RNF216: variants seen among roughly 807,000 people sequenced by gnomAD.
RNF216 encodes the protein E3 ubiquitin-protein ligase RNF216.
In RNF216, 72 loss-of-function variants were observed where a neutral mutation model predicts 110.8. That is an observed-to-expected ratio of 0.65 (90% CI 0.54 to 0.79). The LOEUF (loss-of-function observed/expected upper bound fraction) is 0.79. Ranked by LOEUF, RNF216 falls within the 30% of genes least tolerant of loss-of-function variation. RNF216 has a pLI of 0.00. For synonymous variants in RNF216, 495 were observed against 407.5 expected, an observed-to-expected ratio of 1.21 and a Z score of -2.59; for missense variants, 1,342 against 1,141.2, an observed-to-expected ratio of 1.18 and a Z score of -2.54.
At chr7:5,663,911 A>C (rs1789329797) in intron 13 of RNF216, among the ~76,000 whole-genome samples, 1 of 152,024 alleles carries the variant, frequency 6.6e-6, no homozygotes, top group African/African-American at 2.4e-5. Context: ...AAAACAAAAC[A>C]AAACAAAAAA....
chr7:5,704,660 G>T (rs1792176044), intron 13 of RNF216, among the ~76,000 whole-genome samples: 1 of 152,126 alleles, frequency 6.6e-6, no homozygotes, highest in South Asian at 2.1e-4. Context: ...CCACCTAGTG[G>T]CAACTCGTTC....
Position 5,741,694 on chromosome 7 carries a change from C to G in RNF216, c.323G>C (p.Ser108Thr). The change falls in exon 4 of 17, where the codon AGC (serine) becomes ACC (threonine). Residue 108 changes from serine (S) to threonine (T), a missense_variant. Coordinates refer to ENST00000389902, the MANE Select transcript of RNF216 (RefSeq NM_207111.4). ...GTTGTTACACACTGAAAAATAGCTG[C>G]TCTTATCTGATTCAAATGCTGCTCT... Reference protein sequence around the residue: ...KSRAAFESDKSSYFSVCNNPL... With the variant: ...KSRAAFESDKTSYFSVCNNPL... 1 of 1,614,208 alleles carries G rather than the reference C, an allele frequency of 6.2e-7. No homozygotes were observed. Among genetic ancestry groups the G allele is most frequent in the Non-Finnish European group, 8.5e-7 (1 of 1,180,042 alleles).
chr7:5,650,501 TGAG>T (rs1344410105), intron 14 of RNF216, among the ~76,000 whole-genome samples: 1 of 152,140 alleles, frequency 6.6e-6, no homozygotes, highest in Non-Finnish European at 1.5e-5. Flanking sequence ...CCTGGAGGCC[TGAG>T]GAGAGAGTAT....
In RNF216 at chr7:5,708,932, G is replaced by A. The variant is rs796875491; in HGVS notation, c.2061+2829C>T. On this transcript the variant is annotated intron_variant, in intron 13 of 16. Coordinates refer to ENST00000389902, the MANE Select transcript of RNF216 (RefSeq NM_207111.4). ...TGCACTGGACTCTGCCTACTGTACCGTGGGTCCTCTGGCGCAGTACAAACC... is the reference window on the plus strand; with the variant it reads ...TGCACTGGACTCTGCCTACTGTACCATGGGTCCTCTGGCGCAGTACAAACC... Among the ~76,000 whole-genome samples, 14 of 152,288 alleles carry A rather than the reference G, an allele frequency of 9.2e-5. No homozygotes were observed. The East Asian group carries it at 9.6e-4, about 10-fold the overall frequency.
At chr7:5,745,245 T>C (rs1373229497) in intron 3 of RNF216, among the ~76,000 whole-genome samples, 2 of 152,166 alleles carry the variant, frequency 1.3e-5, no homozygotes, top group East Asian at 3.9e-4. Context: ...CATGACAATC[T>C]CTGTAAGATG....
chr7:5,676,764 C>G (rs1252223538), intron 13 of RNF216, among the ~76,000 whole-genome samples: 1 of 152,186 alleles, frequency 6.6e-6, no homozygotes, highest in East Asian at 1.9e-4. Flanking sequence ...CCTAAACATA[C>G]AGTGCAACCT....
At chr7:5,734,756 G>A (rs572843141) in intron 5 of RNF216, among the ~76,000 whole-genome samples, 9 of 151,562 alleles carry the variant, frequency 5.9e-5, no homozygotes, top group South Asian at 2.1e-4. Flanking sequence ...CCTGGGAGGC[G>A]AAGGTTGCAG....
intron 1 of RNF216, among the ~76,000 whole-genome samples, chr7:5,762,837 CTTTTA>C (rs1796004742): frequency 6.6e-6 from 1 of 152,050 alleles, no homozygotes; most frequent in African/African-American, 2.4e-5. Context: ...TTTTTTCTTT[CTTTTA>C]AAGATATTTA....
At chr7:5,687,309 T>C (rs1791046135) in intron 13 of RNF216, among the ~76,000 whole-genome samples, 2 of 140,752 alleles carry the variant, frequency 1.4e-5, no homozygotes, top group Non-Finnish European at 3.0e-5. Context: ...GGAGGGAGAA[T>C]CACTTGAACC....
In RNF216 at chr7:5,741,620, C is replaced by G; in HGVS notation, c.397G>C (p.Glu133Gln). Reference protein sequence around the residue: ...AQDDSEDDYGEFLDLGPPGIS... With the variant: ...AQDDSEDDYGQFLDLGPPGIS... ...CCAGGAGGCCCAAGATCCAGAAATT[C>G]ACCGTAGTCATCCTCAGAATCATCC... The change falls in exon 4 of 17, where the codon GAA (glutamate) becomes CAA (glutamine). Residue 133 changes from glutamate (E) to glutamine (Q), a missense_variant. Transcript: ENST00000389902. 1 of 1,614,130 alleles carries G rather than the reference C, an allele frequency of 6.2e-7. No homozygotes were observed. The highest frequency in any genetic ancestry group is 8.5e-7 in the Non-Finnish European group (1 of 1,180,028).
chr7:5,742,787 G>T (rs1296652120), intron 3 of RNF216, among the ~76,000 whole-genome samples: 2 of 151,596 alleles, frequency 1.3e-5, no homozygotes, highest in Non-Finnish European at 2.9e-5. Context: ...TTAGAGACAG[G>T]GTTTTGCCAT....
chr7:5,646,408 A>AT (rs1279372747), intron 14 of RNF216, among the ~76,000 whole-genome samples: 2 of 151,818 alleles, frequency 1.3e-5, no homozygotes, highest in African/African-American at 4.8e-5. Context: ...GGAAAAAAAA[A>AT]GGGGGCCAGG....
At chr7:5,727,891 T>C (rs1179542376) in intron 7 of RNF216, among the ~76,000 whole-genome samples, 1 of 151,782 alleles carries the variant, frequency 6.6e-6, no homozygotes, top group African/African-American at 2.4e-5. Flanking sequence ...TGGTGAGATT[T>C]TCCATATGCT....
intron 13 of RNF216, among the ~76,000 whole-genome samples, chr7:5,673,833 G>C (rs1201332883): frequency 6.6e-6 from 1 of 150,674 alleles, no homozygotes; most frequent in Non-Finnish European, 1.5e-5. Context: ...GAAAGATAGA[G>C]AGACCTCCAT....
intron 13 of RNF216, among the ~76,000 whole-genome samples, chr7:5,656,563 G>A (rs1287546908): frequency 6.6e-6 from 1 of 151,864 alleles, no homozygotes; most frequent in African/African-American, 2.4e-5. Context: ...CGCCCTCTCA[G>A]GGGGGAAGGA....
chr7:5,760,804 G>T (rs763399106), intron 2 of RNF216, among the ~76,000 whole-genome samples, 199 bp downstream of exon 2: 9 of 152,154 alleles, frequency 5.9e-5, no homozygotes, highest in Non-Finnish European at 1.3e-4. Context: ...TAATCCATTT[G>T]TAATGAATGA....
At chr7:5,706,630 G>C (rs554003858) in intron 13 of RNF216, among the ~76,000 whole-genome samples, 1 of 152,348 alleles carries the variant, frequency 6.6e-6, no homozygotes, top group Admixed American at 6.5e-5. Context: ...GAACATGTCA[G>C]TAAGTGGTTT....
intron 13 of RNF216, among the ~76,000 whole-genome samples, chr7:5,675,823 C>T (rs932813497): frequency 1.3e-5 from 2 of 151,258 alleles, no homozygotes; most frequent in African/African-American, 4.9e-5. Flanking sequence ...GATTCTCCTG[C>T]CTCAGCCTCC....
intron 3 of RNF216, among the ~76,000 whole-genome samples, chr7:5,747,974 C>T (rs1223939808): frequency 6.6e-6 from 1 of 151,880 alleles, no homozygotes; most frequent in Non-Finnish European, 1.5e-5. Flanking sequence ...ACAAAAATCA[C>T]CTATGAGGTC....
Sources: allele counts gnomAD v4.1 joint callset (sites outside exome capture counted in the v4.1 genomes callset), GRCh38; gene constraint gnomAD v4.1.1; transcripts MANE v1.5; gene names NCBI Gene and HGNC (gene_info 2026-07-23, HGNC 2026-07-21).